The following FHIT variants were observed in gnomAD, a reference collection of about 807,000 sequenced individuals.
FHIT encodes fragile histidine triad diadenosine triphosphatase.
A neutral mutation model predicts 17.9 loss-of-function variants in FHIT; 19 were observed. The ratio of observed to expected loss-of-function variants is 1.06; its 90% confidence interval spans 0.74 to 1.56. FHIT has a LOEUF of 1.56. FHIT is among the 40% of genes most tolerant of loss of function. The pLI is 0.00. For synonymous variants in FHIT, 81 were observed against 69.7 expected (o/e 1.16, Z -0.81); for missense variants, 248 against 189.2 (o/e 1.31, Z -1.82).
chr3:60,850,744 G>A (rs1703122828), intron 3 of FHIT, among the ~76,000 whole-genome samples: 1 of 152,068 alleles, frequency 6.6e-6, no homozygotes, highest in Non-Finnish European at 1.5e-5. Context: ...AACACCAGCT[G>A]CTATACTGAA....
At chr3:59,790,524 CTCTCTG>C (rs1040737229) in intron 8 of FHIT, among the ~76,000 whole-genome samples, 51 of 124,610 alleles carry the variant, frequency 4.1e-4, no homozygotes, top group African/African-American at 1.1e-3. Context: ...CTCTCTCTCT[CTCTCTG>C]TGTGTGTGTG....
chr3:61,222,621 G>A (rs1414421251), intron 1 of FHIT, among the ~76,000 whole-genome samples: 3 of 152,198 alleles, frequency 2.0e-5, no homozygotes, highest in Admixed American at 1.3e-4. Flanking sequence ...TGCTGAGCCT[G>A]GGGACCAAAA....
At chr3:60,361,932 A>C (rs1386242343) in intron 5 of FHIT, among the ~76,000 whole-genome samples, 5 of 152,170 alleles carry the variant, frequency 3.3e-5, no homozygotes, top group Non-Finnish European at 7.3e-5. Flanking sequence ...TTACAAAAAA[A>C]GTTTTCTCCT....
chr3:60,279,948 C>T (rs1707350635), intron 5 of FHIT, among the ~76,000 whole-genome samples: 1 of 149,310 alleles, frequency 6.7e-6, no homozygotes, highest in South Asian at 2.2e-4. Flanking sequence ...AGGAGAATGG[C>T]GTGAACCTGG....
intron 8 of FHIT, among the ~76,000 whole-genome samples, chr3:59,795,760 T>TA (rs1164115053): frequency 1.3e-5 from 2 of 152,154 alleles, no homozygotes; most frequent in East Asian, 3.9e-4. Context: ...AAATAAAAAG[T>TA]AAAAAATTCA....
At position 60,616,499 on chromosome 3, in the gene FHIT, CA is replaced by C. The variant is rs2038955392; in HGVS notation, c.-17-79521del. Among the ~76,000 whole-genome samples the C allele has an allele frequency of 9.2e-5, 14 of 152,170 alleles. No individual in the cohort carries two copies. The South Asian group carries it at 2.9e-3, about 32-fold the overall frequency. On this transcript the variant is annotated intron_variant, in intron 4 of 9. Transcript: ENST00000492590. Reference sequence around the variant, plus strand: ...AAGCAATCATAGCAAGCTTGTGGGACAAAAGTTAATATACAAAGTCAATTGT... The same window carrying C: ...AAGCAATCATAGCAAGCTTGTGGGACAAAGTTAATATACAAAGTCAATTGT...
chr3:60,656,232 G>A (rs567947360), intron 4 of FHIT, among the ~76,000 whole-genome samples: 22 of 152,212 alleles, frequency 1.4e-4, no homozygotes, highest in Admixed American at 5.9e-4. Flanking sequence ...CACTTCTGGG[G>A]CTCTCTCTTC....
chr3:60,122,358 C>T (rs1291196856), intron 5 of FHIT, among the ~76,000 whole-genome samples: 1 of 151,966 alleles, frequency 6.6e-6, no homozygotes, highest in Non-Finnish European at 1.5e-5. Context: ...GTGTTGAATC[C>T]CGGCCCTCAG....
At chr3:59,877,146 T>G (rs1203104332) in intron 8 of FHIT, among the ~76,000 whole-genome samples, 1 of 152,196 alleles carries the variant, frequency 6.6e-6, no homozygotes, top group African/African-American at 2.4e-5. Context: ...TTCTTGAGTA[T>G]GACATTTATG....
At chr3:60,007,973 A>G (rs1699988926) in intron 7 of FHIT, among the ~76,000 whole-genome samples, 1 of 152,140 alleles carries the variant, frequency 6.6e-6, no homozygotes. Flanking sequence ...CCTTCACCTT[A>G]AAATACTCAG....
chr3:60,691,613 T>C (rs1553699595), intron 4 of FHIT, among the ~76,000 whole-genome samples: 1 of 152,132 alleles, frequency 6.6e-6, no homozygotes, highest in African/African-American at 2.4e-5. Context: ...GCAATCTGCC[T>C]GCATTGTCTC....
chr3:60,346,319 T>A (rs1001678481), intron 5 of FHIT, among the ~76,000 whole-genome samples: 1 of 152,222 alleles, frequency 6.6e-6, no homozygotes, highest in Non-Finnish European at 1.5e-5. Context: ...CTTTCTGTTT[T>A]CACTGATCTG....
chr3:60,703,555 T>A (rs1209892511), intron 4 of FHIT, among the ~76,000 whole-genome samples: 1 of 152,202 alleles, frequency 6.6e-6, no homozygotes, highest in East Asian at 1.9e-4. Flanking sequence ...TAGATACAAG[T>A]TGCTATTTTT....
At chr3:59,976,826 C>T (rs1243357638) in intron 7 of FHIT, among the ~76,000 whole-genome samples, 1 of 152,140 alleles carries the variant, frequency 6.6e-6, no homozygotes, top group Non-Finnish European at 1.5e-5. Flanking sequence ...TGCTCATAAA[C>T]TTATACAACA....
chr3:60,033,690 G>A (rs551158949), intron 5 of FHIT, among the ~76,000 whole-genome samples: 49 of 152,252 alleles, frequency 3.2e-4, no homozygotes, highest in Admixed American at 5.9e-4. Context: ...GGCAAAATCC[G>A]AATGACATTT....
At chr3:60,025,173 C>T (rs1407928659) in intron 5 of FHIT, among the ~76,000 whole-genome samples, 1 of 152,152 alleles carries the variant, frequency 6.6e-6, no homozygotes, top group Non-Finnish European at 1.5e-5. Context: ...GGAGACTTTT[C>T]TTTCTTGAAT....
At chr3:59,902,469 C>T (rs1381279716) in intron 8 of FHIT, among the ~76,000 whole-genome samples, 1 of 151,694 alleles carries the variant, frequency 6.6e-6, no homozygotes, top group African/African-American at 2.4e-5. Context: ...TGAAATCCCC[C>T]ATCCAAAAGA....
intron 5 of FHIT, among the ~76,000 whole-genome samples, chr3:60,161,919 A>C (rs1398745733): frequency 1.3e-5 from 2 of 152,158 alleles, no homozygotes; most frequent in Admixed American, 6.5e-5. Flanking sequence ...GCACAAGTAG[A>C]TCACTCTTCT....
chr3:60,391,215 A>ACAGG (rs1553761565), intron 5 of FHIT, among the ~76,000 whole-genome samples: 1 of 151,838 alleles, frequency 6.6e-6, no homozygotes, highest in African/African-American at 2.4e-5. Flanking sequence ...AAACAAACAA[A>ACAGG]CAAACAAAAA....
Sources: allele counts gnomAD v4.1 joint callset (sites outside exome capture counted in the v4.1 genomes callset), GRCh38; gene constraint gnomAD v4.1.1; transcripts MANE v1.5; gene names NCBI Gene and HGNC (gene_info 2026-07-23, HGNC 2026-07-21).